The following VWA8 variants were observed in gnomAD, a reference collection of about 807,000 sequenced individuals.
VWA8 encodes the protein von Willebrand factor A domain containing 8.
In VWA8, 221 loss-of-function variants were observed where a neutral mutation model predicts 241.5. The ratio of observed to expected loss-of-function variants is 0.91; its 90% CI spans 0.82 to 1.02. The LOEUF is 1.02. Ranked by LOEUF, VWA8 falls within the 50% of genes least tolerant of loss-of-function variation. VWA8 has a pLI of 0.00. For missense variants in VWA8, 2,322 were observed against 2,328.7 expected, an observed-to-expected ratio of 1.00 and a Z score of 0.06; for synonymous variants, 852 against 827.1, an observed-to-expected ratio of 1.03 and a Z score of -0.52.
chr13:41,934,560 G>A (rs1429369528), intron 2 of VWA8, among the ~76,000 whole-genome samples: 1 of 151,966 alleles, frequency 6.6e-6, no homozygotes, highest in African/African-American at 2.4e-5. Context: ...CCAACATGTG[G>A]ATATAGAAAC....
chr13:41,740,045 C>T (rs913421927), intron 21 of VWA8, among the ~76,000 whole-genome samples: 6 of 151,496 alleles, frequency 4.0e-5, no homozygotes, highest in Admixed American at 6.6e-5. Flanking sequence ...TTAGTAGAGA[C>T]GGGGTTTCAC....
chr13:41,599,851 T>C (rs2044510339), intron 40 of VWA8, among the ~76,000 whole-genome samples: 1 of 152,152 alleles, frequency 6.6e-6, no homozygotes, highest in African/African-American at 2.4e-5. Context: ...GTCTGGCCTT[T>C]TTCCAGGGCT....
chr13:41,896,456 T>C (rs1875113681), intron 4 of VWA8, among the ~76,000 whole-genome samples: 1 of 151,972 alleles, frequency 6.6e-6, no homozygotes, highest in South Asian at 2.1e-4. Context: ...CAGATACCAT[T>C]AAGAAAAAGA....
At chr13:41,904,951 T>C (rs1875638219) in intron 4 of VWA8, among the ~76,000 whole-genome samples, 2 of 152,008 alleles carry the variant, frequency 1.3e-5, no homozygotes, top group African/African-American at 4.8e-5. Context: ...ACGTGAAAAA[T>C]GCAGGTTGTT....
At chr13:41,655,183 G>T (rs867137540) in intron 37 of VWA8, among the ~76,000 whole-genome samples, 11 of 151,686 alleles carry the variant, frequency 7.3e-5, no homozygotes, top group South Asian at 6.3e-4. Context: ...TCCGCCCCCT[G>T]GGTTCAAGCA....
chr13:41,913,153 A>G (rs999396822), intron 2 of VWA8, among the ~76,000 whole-genome samples: 5 of 152,232 alleles, frequency 3.3e-5, no homozygotes, highest in African/African-American at 1.2e-4. Context: ...TAAATCATGT[A>G]TAATACCATT....
chr13:41,656,672 C>T (rs1391288454), intron 37 of VWA8, among the ~76,000 whole-genome samples: 3 of 152,082 alleles, frequency 2.0e-5, no homozygotes, highest in Middle Eastern at 3.2e-3. Flanking sequence ...CACCATTGGC[C>T]TAATTACCAT....
Position 41,960,885 on chromosome 13 carries a change from C to CT in VWA8, c.130dup (p.Arg44LysfsTer13). 2 of 1,516,710 alleles carry CT rather than the reference C, an allele frequency of 1.3e-6. No individual in the cohort carries two copies. The highest frequency in any genetic ancestry group is 1.8e-6 in the Non-Finnish European group (2 of 1,138,548). The allele number at this position is 1,516,710 out of a possible 1,614,324, so 94.0% of individuals were successfully genotyped here. Reference sequence around the variant, plus strand: ...GGCCCCCGAGCCGGCGTGCAACAGTCTGACCTCCGGCCGCTGCCTGTCGCC... The same window carrying CT: ...GGCCCCCGAGCCGGCGTGCAACAGTCTTGACCTCCGGCCGCTGCCTGTCGCC... On this transcript the variant is annotated frameshift_variant, in exon 1 of 45. Coordinates refer to ENST00000379310, the MANE Select transcript of VWA8 (RefSeq NM_015058.2). LOFTEE classifies it high-confidence loss of function.
At chr13:41,872,684 G>A (rs1202303023) in intron 9 of VWA8, among the ~76,000 whole-genome samples, 1 of 152,028 alleles carries the variant, frequency 6.6e-6, no homozygotes, top group Non-Finnish European at 1.5e-5. Flanking sequence ...TTTGGTACCA[G>A]TACCATGCTG....
At chr13:41,639,023 G>C (rs9566814) in intron 37 of VWA8, among the ~76,000 whole-genome samples, 103,867 of 151,932 alleles carry the variant, frequency 0.68, 35,998 homozygotes, top group South Asian at 0.84. Flanking sequence ...AAAGGAGCTC[G>C]CTTCTGGTAT....
chr13:41,757,179 T>G (rs767863030), intron 21 of VWA8, among the ~76,000 whole-genome samples: 7 of 151,728 alleles, frequency 4.6e-5, no homozygotes, highest in Non-Finnish European at 8.9e-5. Flanking sequence ...CAGGGGAACA[T>G]AGAAGATTGA....
intron 43 of VWA8, among the ~76,000 whole-genome samples, chr13:41,571,936 T>C (rs879002682): frequency 1.3e-5 from 2 of 151,266 alleles, no homozygotes; most frequent in Non-Finnish European, 2.9e-5. Context: ...TCGTCTGAGA[T>C]GTGAGGAGCC....
At chr13:41,955,478 C>A (rs2138171964) in intron 1 of VWA8, among the ~76,000 whole-genome samples, 1 of 152,216 alleles carries the variant, frequency 6.6e-6, no homozygotes, top group African/African-American at 2.4e-5. Context: ...TTGTATGCAG[C>A]CATTCATTGA....
At chr13:41,716,107 T>C (rs2045346356) in intron 26 of VWA8, among the ~76,000 whole-genome samples, 1 of 151,926 alleles carries the variant, frequency 6.6e-6, no homozygotes, top group African/African-American at 2.4e-5. Context: ...CAGGAAGTAC[T>C]AGTGGAAAGG....
chr13:41,783,613 G>A (rs1868997809), intron 19 of VWA8, among the ~76,000 whole-genome samples, 182 bp downstream of exon 19: 1 of 148,212 alleles, frequency 6.7e-6, no homozygotes. Flanking sequence ...ACTCCAGCCT[G>A]AGTGACAAAG....
chr13:41,631,083 G>C (rs556405621), intron 37 of VWA8, among the ~76,000 whole-genome samples: 1 of 152,030 alleles, frequency 6.6e-6, no homozygotes, highest in South Asian at 2.1e-4. Context: ...GCAGTGGTGC[G>C]ATCATGGCTC....
chr13:41,709,400 C>A (rs1012214358), intron 26 of VWA8, among the ~76,000 whole-genome samples: 2 of 152,110 alleles, frequency 1.3e-5, no homozygotes, highest in East Asian at 1.9e-4. Flanking sequence ...GGTCTTCCTG[C>A]CTTTAGGTTC....
chr13:41,876,457 T>A (rs533612565), intron 9 of VWA8, among the ~76,000 whole-genome samples: 171 of 152,252 alleles, frequency 1.1e-3, no homozygotes, highest in African/African-American at 4.0e-3. Flanking sequence ...AGCGTTTTTA[T>A]ACTGGTTATC....
intron 4 of VWA8, among the ~76,000 whole-genome samples, chr13:41,897,190 G>C (rs1481642328): frequency 6.6e-6 from 1 of 151,566 alleles, no homozygotes; most frequent in Admixed American, 6.6e-5. Context: ...CAAATATTGA[G>C]AACATACAAG....
Sources: gnomAD v4.1 joint callset for allele counts (sites outside exome capture counted in the v4.1 genomes callset) on GRCh38, gnomAD v4.1.1 for gene constraint, MANE v1.5 for transcripts, NCBI Gene and HGNC (gene_info 2026-07-23, HGNC 2026-07-21) for gene names.